INKA2: variants seen among roughly 807,000 people sequenced by gnomAD.
The protein encoded by INKA2 is inka box actin regulator 2.
A neutral mutation model predicts 9.8 loss-of-function variants in INKA2; 3 were observed. The ratio of observed to expected loss-of-function variants is 0.31; its 90% CI spans 0.14 to 0.79. The LOEUF is 0.79. INKA2 is among the 30% of genes least tolerant of loss of function. The pLI is 0.62. For missense variants in INKA2, 392 were observed against 384.4 expected (o/e 1.02, Z -0.17); for synonymous variants, 147 against 143.3 (o/e 1.03, Z -0.18).
chr1:111,727,417 C>G lies in INKA2; in HGVS notation c.445G>C (p.Gly149Arg). Reference protein sequence around the residue: ...DDWTSTLMSRGRNRQPLVLGD... With the variant: ...DDWTSTLMSRRRNRQPLVLGD... ...AACACCAGAGGCTGTCGATTCCGGC[C>G]CCGGGACATCAACGTGGAGGTCCAG... Residue 149 changes from glycine (G) to arginine (R), a missense_variant, in exon 2 of 2, where the codon GGC becomes CGC. By Grantham distance (125) the Gly-to-Arg change is moderately radical. Transcript: ENST00000357260. 6.2e-7 allele frequency: 1 copy of G among 1,614,132 alleles called. No homozygotes were observed. The highest frequency in any genetic ancestry group is 1.3e-5 in the African/African-American group (1 of 75,060).
intron 1 of INKA2, chr1:111,745,563 A>C (rs1308844363): frequency 2.0e-5 from 3 of 151,746 alleles, no homozygotes; most frequent in Non-Finnish European, 4.4e-5. Context: ...CAGCCTCCCG[A>C]AGTGCTGGGA....
chr1:111,745,293 A>ATATATATAT (rs1358304932), intron 1 of INKA2: 3 of 49,270 alleles, frequency 6.1e-5, no homozygotes, highest in Non-Finnish European at 1.1e-4. Flanking sequence ...ATATATATAT[A>ATATATATAT]TTTTTTTTTT....
At chr1:111,728,559 T>C (rs756205352) in intron 1 of INKA2, among the ~76,000 whole-genome samples, 3 of 152,100 alleles carry the variant, frequency 2.0e-5, no homozygotes, top group Non-Finnish European at 4.4e-5. Context: ...TGCTCCAAAA[T>C]CCAAAGCTTT....
chr1:111,738,031 C>T (rs936303543), intron 1 of INKA2, among the ~76,000 whole-genome samples: 1 of 152,230 alleles, frequency 6.6e-6, no homozygotes, highest in Non-Finnish European at 1.5e-5. Flanking sequence ...GAGCCATAAG[C>T]TGGCCCTTTC....
intron 1 of INKA2, among the ~76,000 whole-genome samples, chr1:111,732,466 C>G (rs776936006): frequency 6.6e-6 from 1 of 152,060 alleles, no homozygotes; most frequent in Non-Finnish European, 1.5e-5. Flanking sequence ...CAAGCTTGCT[C>G]TCAGGGGTCA....
At position 111,724,900 on chromosome 1, in the gene INKA2, ATG is replaced by A. The variant is rs1662733724; in HGVS notation, c.*2066_*2067del. 6.6e-6 allele frequency: 1 copy of A among 152,138 alleles called. No homozygotes were observed. The highest frequency in any genetic ancestry group is 1.5e-5 in the Non-Finnish European group (1 of 68,042). 9.4% of individuals were successfully genotyped at this position (152,138 alleles called of 1,614,324 possible). ...ACACGCCCCCTAATAACCTCCATAGATGTGTCTGGAGAACAATGCCTTCTAGG... is the reference window on the plus strand; with the variant it reads ...ACACGCCCCCTAATAACCTCCATAGATGTCTGGAGAACAATGCCTTCTAGG... On this transcript the variant is annotated 3_prime_UTR_variant, in exon 2 of 2. Transcript: ENST00000357260.
Position 111,727,070 on chromosome 1 carries a change from G to A in INKA2, c.792C>T (p.Gly264=), listed in dbSNP as rs779403793. 3.2e-5 allele frequency: 52 copies of A among 1,614,130 alleles called. No individual in the cohort carries two copies. The highest frequency in any genetic ancestry group is 3.7e-5 in the Non-Finnish European group (44 of 1,180,050). ...SKGSGHFPFP[G]TGEHRRGENP... is the part of the protein sequence containing the mutation. ...TCTCCCCTCGCCTGTGCTCCCCGGTGCCTGGGAAGGGGAAATGTCCAGAGC... is the reference window on the plus strand; with the variant it reads ...TCTCCCCTCGCCTGTGCTCCCCGGTACCTGGGAAGGGGAAATGTCCAGAGC... Residue 264 remains glycine (G), a synonymous_variant, in exon 2 of 2, where the codon GGC becomes GGT. Coordinates refer to ENST00000357260, the MANE Select transcript of INKA2 (RefSeq NM_019099.5).
upstream of INKA2, among the ~76,000 whole-genome samples, chr1:111,742,430 C>T (rs907947067): frequency 1.3e-5 from 2 of 152,132 alleles, no homozygotes; most frequent in South Asian, 4.1e-4. Flanking sequence ...ACTAAAAATA[C>T]ACAAATTAGC....
rs184034837 is a variant in INKA2, at chr1:111,724,914, C to T, written c.*2054G>A. 75 of 152,296 alleles carry T rather than the reference C, an allele frequency of 4.9e-4. 1 individual carries two copies. The highest frequency in any genetic ancestry group is 1.6e-3 in the African/African-American group (67 of 41,548). The allele number at this position is 152,296 out of a possible 1,614,324, so 9.4% of individuals were successfully genotyped here. A position where few individuals can be genotyped will look rare whatever the true frequency, so the allele number is the denominator to read the frequency against. On this transcript the variant is annotated 3_prime_UTR_variant, in exon 2 of 2. Transcript: ENST00000357260. ...AACCTCCATAGATGTGTCTGGAGAA[C>T]AATGCCTTCTAGGGTCCTTCTAAGT... is the stretch of plus-strand genomic sequence containing the variant.
upstream of INKA2, among the ~76,000 whole-genome samples, chr1:111,741,811 G>A (rs191237005): frequency 2.4e-4 from 36 of 152,286 alleles, no homozygotes; most frequent in Non-Finnish European, 4.0e-4. Context: ...TACCTCCCAG[G>A]TTCAAGCGAT....
At chr1:111,738,531 G>A (rs1357663167) in intron 1 of INKA2, among the ~76,000 whole-genome samples, 1 of 152,090 alleles carries the variant, frequency 6.6e-6, no homozygotes, top group Non-Finnish European at 1.5e-5. Context: ...GCCAGGCAGA[G>A]CCCCTCCTCC....
Position 111,727,389 on chromosome 1 carries a change from C to A in INKA2, c.473G>T (p.Gly158Val). 4 of 1,613,966 alleles carry A rather than the reference C, an allele frequency of 2.5e-6. No homozygotes were observed. Among genetic ancestry groups the A allele is most frequent in the Non-Finnish European group, 3.4e-6 (4 of 1,179,966 alleles). The change falls in exon 2 of 2, where the codon GGG becomes GTG. Residue 158 changes from glycine to valine, a missense_variant. Coordinates refer to ENST00000357260, the MANE Select transcript of INKA2 (RefSeq NM_019099.5). ...RGRNRQPLVL[G>V]DNVFADLVGN... ...CACCAGGTCTGCAAAAACGTTGTCC[C>A]CTAACACCAGAGGCTGTCGATTCCG... is the stretch of plus-strand genomic sequence containing the variant.
At chr1:111,752,844 C>A (rs909486628) in intron 1 of INKA2, among the ~76,000 whole-genome samples, 1 of 152,140 alleles carries the variant, frequency 6.6e-6, no homozygotes, top group Admixed American at 6.5e-5. Flanking sequence ...CAGGTGCCCA[C>A]CACCACGCCC....
Position 111,727,070 on chromosome 1 carries a change from G to T in INKA2, c.792C>A (p.Gly264=), listed in dbSNP as rs779403793. 2.5e-6 allele frequency: 4 copies of T among 1,614,012 alleles called. No homozygotes were observed. Among genetic ancestry groups the T allele is most frequent in the African/African-American group, 2.7e-5 (2 of 74,944 alleles). The part of the protein sequence containing the change: ...SKGSGHFPFP[G]TGEHRRGENP... Reference sequence around the variant, plus strand: ...TCTCCCCTCGCCTGTGCTCCCCGGTGCCTGGGAAGGGGAAATGTCCAGAGC... The same window carrying T: ...TCTCCCCTCGCCTGTGCTCCCCGGTTCCTGGGAAGGGGAAATGTCCAGAGC... The change falls in exon 2 of 2, where the codon GGC becomes GGA. Residue 264 remains glycine, a synonymous_variant. Coordinates refer to ENST00000357260, the MANE Select transcript of INKA2 (RefSeq NM_019099.5).
intron 1 of INKA2, among the ~76,000 whole-genome samples, chr1:111,751,524 T>G (rs1046067552): frequency 3.3e-5 from 5 of 152,246 alleles, no homozygotes; most frequent in African/African-American, 1.2e-4. Context: ...CCAATCCCAA[T>G]TATGAGCTCT....
At chr1:111,741,217 T>A (rs144069628), upstream of INKA2, among the ~76,000 whole-genome samples, 691 of 152,190 alleles carry the variant, frequency 4.5e-3, 5 homozygotes, top group African/African-American at 0.015. Flanking sequence ...CAATAGCCCT[T>A]GCCTACACCT....
chr1:111,730,812 C>T (rs958710694), intron 1 of INKA2, among the ~76,000 whole-genome samples: 11 of 152,096 alleles, frequency 7.2e-5, no homozygotes, highest in Admixed American at 7.2e-4. Context: ...AGTATGTCAC[C>T]CCAGAACCTC....
intron 1 of INKA2, among the ~76,000 whole-genome samples, chr1:111,737,405 C>T (rs758404033): frequency 3.3e-5 from 5 of 152,106 alleles, no homozygotes; most frequent in African/African-American, 7.2e-5. Context: ...TTTAAAAATT[C>T]GAGCCCATGC....
intron 1 of INKA2, among the ~76,000 whole-genome samples, chr1:111,735,295 C>A (rs10489472): frequency 3.9e-5 from 6 of 152,176 alleles, no homozygotes; most frequent in Non-Finnish European, 8.8e-5. Context: ...ATGACTCTTA[C>A]GCAAAACAGT....
Sources: allele counts gnomAD v4.1 joint callset (sites outside exome capture counted in the v4.1 genomes callset), GRCh38; gene constraint gnomAD v4.1.1; transcripts MANE v1.5; gene names NCBI Gene and HGNC (gene_info 2026-07-23, HGNC 2026-07-21).